AMD1: variants seen among roughly 807,000 people sequenced by gnomAD.
The protein encoded by AMD1 is S-adenosylmethionine decarboxylase proenzyme.
In AMD1, 11 loss-of-function variants were observed where a neutral mutation model predicts 40.2. The ratio of observed to expected loss-of-function variants is 0.27; its 90% CI spans 0.17 to 0.45. The LOEUF (loss-of-function observed/expected upper bound fraction) is 0.45. Ranked by LOEUF, AMD1 falls within the 20% of genes least tolerant of loss-of-function variation. The pLI, the probability that AMD1 is intolerant of heterozygous loss-of-function variation, is 1.00. For synonymous variants in AMD1, 121 were observed against 130.8 expected (o/e 0.93, Z 0.51); for missense variants, 257 against 410.2 (o/e 0.63, Z 3.23).
chr6:110,820,860 G>C, the AMD1 span, among the ~76,000 whole-genome samples: 1 of 152,092 alleles, frequency 6.6e-6, no homozygotes, highest in Admixed American at 6.5e-5. Context: ...CTGAGATCGT[G>C]CCACAGCAAG....
chr6:110,828,657 A>G, the AMD1 span, among the ~76,000 whole-genome samples: 32 of 152,334 alleles, frequency 2.1e-4, no homozygotes, highest in African/African-American at 7.0e-4. Flanking sequence ...TTAAATGCTT[A>G]TGCCCTTCAT....
chr6:110,858,125 T>C, the AMD1 span: 3 of 527,324 alleles, frequency 5.7e-6, no homozygotes, highest in Admixed American at 3.1e-5. Context: ...ATTACAACTG[T>C]GAGCCACCAT....
the AMD1 span, among the ~76,000 whole-genome samples, chr6:110,851,371 G>A: frequency 6.6e-6 from 1 of 152,186 alleles, no homozygotes; most frequent in East Asian, 1.9e-4. Context: ...CAAAATATTG[G>A]GATTACAGGT....
chr6:110,820,117 C>T, the AMD1 span, among the ~76,000 whole-genome samples: 1 of 152,314 alleles, frequency 6.6e-6, no homozygotes, highest in East Asian at 1.9e-4. Flanking sequence ...TGTAAGTATA[C>T]TCAGTGGAGC....
chr6:110,860,833 C>CCACCCA, the AMD1 span, among the ~76,000 whole-genome samples: 5 of 128,122 alleles, frequency 3.9e-5, no homozygotes, highest in South Asian at 2.5e-4. Flanking sequence ...AAACACCCAC[C>CCACCCA]CACACACACA....
intron 1 of AMD1, among the ~76,000 whole-genome samples, chr6:110,877,162 G>A (rs1008114882): frequency 6.6e-6 from 1 of 152,212 alleles, no homozygotes; most frequent in Admixed American, 6.5e-5. Context: ...ATATTCCCTT[G>A]TGTAGATGAT....
intron 3 of AMD1, 59 bp downstream of exon 3, chr6:110,889,042 A>G: frequency 2.5e-6 from 4 of 1,580,272 alleles, no homozygotes; most frequent in South Asian, 2.3e-5. Flanking sequence ...CTTATCCTGT[A>G]ATATGCGAAG....
the AMD1 span, among the ~76,000 whole-genome samples, chr6:110,856,022 C>T: frequency 6.6e-6 from 1 of 152,178 alleles, no homozygotes; most frequent in East Asian, 1.9e-4. Context: ...TGAGGTTGCA[C>T]TGAGCCATGC....
the AMD1 span, among the ~76,000 whole-genome samples, chr6:110,862,855 A>G: frequency 6.6e-6 from 1 of 152,226 alleles, no homozygotes; most frequent in Non-Finnish European, 1.5e-5. Context: ...TTGAAGCATT[A>G]CAAACTGATT....
the AMD1 span, among the ~76,000 whole-genome samples, chr6:110,832,073 C>T: frequency 6.9e-6 from 1 of 145,368 alleles, no homozygotes; most frequent in Non-Finnish European, 1.5e-5. Flanking sequence ...AGTGCAGTGG[C>T]AGGATCTCGG....
At chr6:110,880,408 T>C (rs906175716) in intron 1 of AMD1, among the ~76,000 whole-genome samples, 2 of 152,216 alleles carry the variant, frequency 1.3e-5, no homozygotes, top group African/African-American at 4.8e-5. Flanking sequence ...TTGATTTTAT[T>C]GTATGTCATA....
chr6:110,881,061 G>A (rs1785384199), intron 1 of AMD1, among the ~76,000 whole-genome samples: 2 of 152,078 alleles, frequency 1.3e-5, no homozygotes, highest in Non-Finnish European at 2.9e-5. Context: ...ATAAAATGTG[G>A]CATGCCACTA....
the AMD1 span, among the ~76,000 whole-genome samples, chr6:110,845,024 G>GAGGTGCC: frequency 2.1e-4 from 31 of 151,068 alleles, no homozygotes; most frequent in African/African-American, 7.5e-4. Flanking sequence ...AGTGAGGAGG[G>GAGGTGCC]AGGTGCCACA....
chr6:110,889,127 G>A, intron 3 of AMD1, 144 bp downstream of exon 3: 3 of 868,856 alleles, frequency 3.5e-6, no homozygotes, highest in East Asian at 3.1e-5. Context: ...ACCTTAGGAA[G>A]AGATCTGATT....
the AMD1 span, among the ~76,000 whole-genome samples, chr6:110,847,229 T>C: frequency 1.3e-5 from 2 of 152,034 alleles, no homozygotes. Context: ...AAGGTTAGAA[T>C]TTCTTCTTTC....
At chr6:110,835,517 A>G in the AMD1 span, among the ~76,000 whole-genome samples, 1 of 152,098 alleles carries the variant, frequency 6.6e-6, no homozygotes, top group Non-Finnish European at 1.5e-5. Flanking sequence ...GTCATTGGAA[A>G]ATATTGTGTT....
rs1278283131 is a variant in AMD1 at position 110,893,705 on chromosome 6, T to G, written c.*89T>G. On this transcript the variant is annotated 3_prime_UTR_variant, in exon 9 of 9. Transcript: ENST00000368885. ...GATGTCGATGCTGGGGGCAGTGCTT[T>G]CCATAACCACCACTGTGTAGTTGCA... 1 of 1,431,148 alleles carries G rather than the reference T, an allele frequency of 7.0e-7. No individual in the cohort carries two copies. Among genetic ancestry groups the G allele is most frequent in the African/African-American group, 1.4e-5 (1 of 70,342 alleles). The allele number at this position is 1,431,148 out of a possible 1,614,324, so 88.7% of individuals were successfully genotyped here. A position where few individuals can be genotyped will look rare whatever the true frequency, so the allele number is the denominator to read the frequency against.
chr6:110,886,863 A>C (rs1164101595), intron 1 of AMD1, among the ~76,000 whole-genome samples: 1 of 152,204 alleles, frequency 6.6e-6, no homozygotes, highest in Non-Finnish European at 1.5e-5. Context: ...ACACTTTCCT[A>C]ATTCTATTCT....
the AMD1 span, among the ~76,000 whole-genome samples, chr6:110,833,438 C>T: frequency 3.3e-5 from 5 of 152,034 alleles, no homozygotes; most frequent in African/African-American, 1.2e-4. Flanking sequence ...AGACTAATTC[C>T]AAGAGCCAGT....
Sources: allele counts gnomAD v4.1 joint callset (sites outside exome capture counted in the v4.1 genomes callset), GRCh38; gene constraint gnomAD v4.1.1; transcripts MANE v1.5; gene names NCBI Gene and HGNC (gene_info 2026-07-23, HGNC 2026-07-21).